PDE6A: variants seen among roughly 807,000 people sequenced by gnomAD.
PDE6A encodes phosphodiesterase 6A.
PDE6A carries 84 observed loss-of-function variants against 106.3 expected under a neutral mutation model. That is an observed-to-expected ratio of 0.79 (90% CI 0.66 to 0.95). The LOEUF (loss-of-function observed/expected upper bound fraction) is 0.95, where lower values mean the gene tolerates loss of function less well. PDE6A is among the 40% of genes least tolerant of loss of function. PDE6A has a pLI of 0.00. For synonymous variants in PDE6A, 394 were observed against 386.6 expected, an observed-to-expected ratio of 1.02 and a Z score of -0.23; for missense variants, 1,052 against 1,084.9, an observed-to-expected ratio of 0.97 and a Z score of 0.43.
chr5:149,934,821 T>G, intron 1 of PDE6A, 103 bp from the exon 2 acceptor site: 1 of 1,107,522 alleles, frequency 9.0e-7, no homozygotes, highest in Non-Finnish European at 1.4e-6. Flanking sequence ...CTTCCATCTA[T>G]TCCTCTTCAA....
At chr5:149,868,992 G>A (rs934956640) in intron 17 of PDE6A, among the ~76,000 whole-genome samples, 1 of 152,218 alleles carries the variant, frequency 6.6e-6, no homozygotes, top group African/African-American at 2.4e-5. Context: ...AACATATGGT[G>A]TAAAGAGAAC....
In PDE6A at chr5:149,929,395, G is replaced by A. The variant is rs898105926; in HGVS notation, c.858+1633C>T. 3.3e-5 allele frequency among the ~76,000 whole-genome samples: 5 copies of A among 151,914 alleles called. No individual in the cohort carries two copies. The East Asian group carries it at 5.8e-4, about 18-fold the overall frequency. ...GCCGAGGCAGGCGGATCACGAGGTC[G>A]GGAGATTGAGACCATCCTGGCTAAA... is the stretch of plus-strand genomic sequence containing the variant. On this transcript the variant is annotated intron_variant, in intron 4 of 21. Coordinates refer to ENST00000255266, the MANE Select transcript of PDE6A (RefSeq NM_000440.3).
At position 149,880,508 on chromosome 5, in the gene PDE6A, G is replaced by A. The variant is rs550636245; in HGVS notation, c.2135+2921C>T. Among the ~76,000 whole-genome samples, 6 of 152,140 alleles carry A rather than the reference G, an allele frequency of 3.9e-5. No individual in the cohort carries two copies. In the East Asian group the frequency reaches 5.8e-4, roughly 15 times the overall value. On this transcript the variant is annotated intron_variant, in intron 17 of 21. Coordinates refer to ENST00000255266, the MANE Select transcript of PDE6A (RefSeq NM_000440.3). ...GGGCGGATCACGAGGTCAGGAGTTC[G>A]AGACCAGCCTGACCAACATGATGAA...
At chr5:149,930,699 T>C (rs1754007863) in intron 4 of PDE6A, among the ~76,000 whole-genome samples, 1 of 152,216 alleles carries the variant, frequency 6.6e-6, no homozygotes, top group African/African-American at 2.4e-5. Context: ...ATCCCTGAAG[T>C]TGGCAACTTT....
chr5:149,883,575 A>G (rs1323328001), intron 16 of PDE6A, 39 bp from the exon 17 acceptor site: 1 of 1,346,112 alleles, frequency 7.4e-7, no homozygotes, highest in East Asian at 2.3e-5. Flanking sequence ...AGCAAGTCTT[A>G]GAATAAGGCA....
At chr5:149,911,295 C>T (rs953121357) in intron 6 of PDE6A, among the ~76,000 whole-genome samples, 2 of 152,136 alleles carry the variant, frequency 1.3e-5, no homozygotes. Context: ...TTTCTATTGT[C>T]CTATTTCCCT....
intron 1 of PDE6A, chr5:149,940,012 T>TC (rs367917535): frequency 2.6e-5 from 4 of 152,182 alleles, no homozygotes; most frequent in African/African-American, 9.6e-5. Flanking sequence ...CTTTTTTTTT[T>TC]CTTTCCTTTT....
intron 17 of PDE6A, among the ~76,000 whole-genome samples, chr5:149,873,850 A>G (rs769761583): frequency 6.6e-5 from 10 of 152,064 alleles, no homozygotes; most frequent in Non-Finnish European, 1.5e-4. Flanking sequence ...TAGAGTTTCT[A>G]TAATATCTTG....
chr5:149,934,740 C>T (rs142804074), intron 1 of PDE6A, 22 bp from the exon 2 acceptor site: 1 of 1,612,830 alleles, frequency 6.2e-7, no homozygotes, highest in Admixed American at 1.7e-5. Flanking sequence ...CAGAGATAAG[C>T]ACGGACAGGC....
chr5:149,907,812 G>A (rs972178711), intron 6 of PDE6A, among the ~76,000 whole-genome samples: 1 of 152,002 alleles, frequency 6.6e-6, no homozygotes, highest in Non-Finnish European at 1.5e-5. Context: ...ATAATTTTTT[G>A]TATTATTACT....
At chr5:149,920,313 G>C (rs1753665896) in intron 5 of PDE6A, among the ~76,000 whole-genome samples, 1 of 152,304 alleles carries the variant, frequency 6.6e-6, no homozygotes, top group Non-Finnish European at 1.5e-5. Context: ...GGGCGCAGTG[G>C]CTCACACCTG....
At chr5:149,864,109 G>A (rs1376745731) in intron 20 of PDE6A, among the ~76,000 whole-genome samples, 1 of 152,162 alleles carries the variant, frequency 6.6e-6, no homozygotes, top group Non-Finnish European at 1.5e-5. Flanking sequence ...GTCTCCCCGA[G>A]AGGCTGAGAA....
At chr5:149,903,488 C>T (rs1364608932) in intron 8 of PDE6A, among the ~76,000 whole-genome samples, 160 bp downstream of exon 8, 2 of 152,066 alleles carry the variant, frequency 1.3e-5, no homozygotes, top group Non-Finnish European at 2.9e-5. Context: ...ACCCAGTTAA[C>T]TCTGTCCCCA....
In PDE6A at chr5:149,858,701, C is replaced by T. The variant is rs30886; in HGVS notation, c.*2194G>A. 68,103 of 151,886 alleles carry T rather than the reference C, an allele frequency of 0.45. 15,910 individuals are homozygous for T. Among genetic ancestry groups the T allele is most frequent in the Non-Finnish European group, 0.52 (35,101 of 67,998 alleles). 9.4% of individuals were successfully genotyped at this position (151,886 alleles called of 1,614,324 possible). ...AAGCTGAGATGGAGGATTGCTTGAG[C>T]CCGGGCAGCTGGGGCTCCAGTGAGC... On this transcript the variant is annotated 3_prime_UTR_variant, in exon 22 of 22. Transcript: ENST00000255266.
At position 149,934,639 on chromosome 5, in the gene PDE6A, C is replaced by T. The variant is rs1192795303; in HGVS notation, c.554G>A (p.Gly185Glu). Reference protein sequence around the residue: ...KNILASPIMNGKDVVAIIMAV... With the variant: ...KNILASPIMNEKDVVAIIMAV... ...CATGATTATGGCCACCACATCCTTC[C>T]CATTCATTATGGGGGAAGCCAAGAT... The change falls in exon 2 of 22, where the codon GGG becomes GAG. Residue 185 changes from glycine (G) to glutamate (E), a missense_variant. Gly to Glu is a moderately conservative substitution (Grantham distance 98). Coordinates refer to ENST00000255266, the MANE Select transcript of PDE6A (RefSeq NM_000440.3). 1 of 1,613,990 alleles carries T rather than the reference C, an allele frequency of 6.2e-7. No homozygotes were observed. The highest frequency in any genetic ancestry group is 2.2e-5 in the East Asian group (1 of 44,888).
chr5:149,866,777 T>C (rs1371077706), intron 19 of PDE6A: 2 of 155,986 alleles, frequency 1.3e-5, no homozygotes, highest in Admixed American at 1.2e-4. Context: ...ACTAAAGTAT[T>C]TATGGAAGAG....
intron 17 of PDE6A, among the ~76,000 whole-genome samples, chr5:149,877,554 C>T (rs759369086): frequency 1.8e-4 from 27 of 152,116 alleles, no homozygotes; most frequent in Non-Finnish European, 3.4e-4. Flanking sequence ...GGATTACAGG[C>T]ACGCACCACA....
chr5:149,944,032 AT>A (rs1004537922), intron 1 of PDE6A, among the ~76,000 whole-genome samples, 167 bp downstream of exon 1: 15 of 151,510 alleles, frequency 9.9e-5, no homozygotes, highest in East Asian at 1.9e-4. Flanking sequence ...TTAAGTTTGA[AT>A]TTTTTTTTCA....
intron 13 of PDE6A, among the ~76,000 whole-genome samples, chr5:149,890,330 G>A (rs1204327885): frequency 6.6e-6 from 1 of 151,970 alleles, no homozygotes; most frequent in African/African-American, 2.4e-5. Context: ...TGAACCCTTA[G>A]AACATCTCAA....
Sources: allele counts gnomAD v4.1 joint callset (sites outside exome capture counted in the v4.1 genomes callset), GRCh38; gene constraint gnomAD v4.1.1; transcripts MANE v1.5; gene names NCBI Gene and HGNC (gene_info 2026-07-23, HGNC 2026-07-21).